The following LOXL2 variants were observed in gnomAD, a reference collection of about 807,000 sequenced individuals.
LOXL2 encodes the protein lysyl oxidase homolog 2.
LOXL2 carries 70 observed loss-of-function variants against 93.0 expected under a neutral mutation model. That is an observed-to-expected ratio of 0.75 (90% CI 0.62 to 0.92). The LOEUF (loss-of-function observed/expected upper bound fraction) is 0.92, where lower values mean the gene tolerates loss of function less well. Ranked by LOEUF, LOXL2 falls within the 40% of genes least tolerant of loss-of-function variation. The probability of loss-of-function intolerance (pLI) is 0.00; values close to 1 mark genes in which losing one functional copy is unlikely to be tolerated. For synonymous variants in LOXL2, 438 were observed against 413.2 expected (o/e 1.06, Z -0.73); for missense variants, 973 against 1,054.9 (o/e 0.92, Z 1.08).
intron 10 of LOXL2, among the ~76,000 whole-genome samples, chr8:23,307,712 G>C (rs916101119): frequency 6.6e-6 from 1 of 152,084 alleles, no homozygotes; most frequent in Non-Finnish European, 1.5e-5. Context: ...CACGTTCCCC[G>C]AAGGGAGCCA....
chr8:23,352,735 CGA>C (rs1804115047), intron 3 of LOXL2, among the ~76,000 whole-genome samples: 1 of 151,892 alleles, frequency 6.6e-6, no homozygotes, highest in Non-Finnish European at 1.5e-5. Flanking sequence ...CAGAAGAACG[CGA>C]GAGAGCAGAG....
intron 1 of LOXL2, among the ~76,000 whole-genome samples, chr8:23,377,388 A>C (rs1290490567): frequency 6.6e-6 from 1 of 151,712 alleles, no homozygotes; most frequent in African/African-American, 2.4e-5. Context: ...AATAAGTGCG[A>C]TGTGGTGCTG....
At chr8:23,337,854 G>A (rs529380740) in intron 4 of LOXL2, among the ~76,000 whole-genome samples, 24 of 152,324 alleles carry the variant, frequency 1.6e-4, no homozygotes, top group African/African-American at 4.8e-4. Context: ...AGCAGGCCTT[G>A]GTGAGGAGCC....
At position 23,360,249 on chromosome 8, in the gene LOXL2, G is replaced by A. The variant is rs1422947707; in HGVS notation, c.372C>T (p.Asp124=). The A allele has an allele frequency of 6.2e-7, 1 of 1,608,682 alleles. No individual in the cohort carries two copies. Among genetic ancestry groups the A allele is most frequent in the Non-Finnish European group, 8.5e-7 (1 of 1,175,766 alleles). ...YGKGEGPIWL[D]NLHCTGNEAT... ...CCTCGTTGCCAGTACAGTGGAGATT[G>A]TCTAACCAGATGGGCCCTGAAGGAG... The change falls in exon 3 of 14, where the codon GAC becomes GAT. Residue 124 remains aspartate (D), a synonymous_variant. Transcript: ENST00000389131.
At chr8:23,379,647 C>T (rs887568173) in intron 1 of LOXL2, among the ~76,000 whole-genome samples, 1 of 63,278 alleles carries the variant, frequency 1.6e-5, no homozygotes, top group Non-Finnish European at 2.8e-5. Flanking sequence ...GGGCGCCCCT[C>T]CCCCAGCCGC....
rs1159824334 is a variant in LOXL2, at chr8:23,367,960, G to A, written c.355+37C>T. The A allele has an allele frequency of 5.1e-6, 8 of 1,558,506 alleles. No homozygotes were observed. The South Asian group carries it at 9.3e-5, about 18-fold the overall frequency. On this transcript the variant is annotated intron_variant, in intron 2 of 13. Coordinates refer to ENST00000389131, the MANE Select transcript of LOXL2 (RefSeq NM_002318.3). ...GGGAAGGCCACTCCGGGCCTTGCCA[G>A]GTGACAGCACTCAGATCCAAAGCAC...
chr8:23,356,523 T>C (rs906621530), intron 3 of LOXL2, among the ~76,000 whole-genome samples: 2 of 152,216 alleles, frequency 1.3e-5, no homozygotes, highest in Non-Finnish European at 2.9e-5. Flanking sequence ...CACAAAGCCC[T>C]GGATGCAAGA....
intron 1 of LOXL2, among the ~76,000 whole-genome samples, chr8:23,403,128 T>C (rs1047755399): frequency 6.6e-6 from 1 of 151,950 alleles, no homozygotes; most frequent in Non-Finnish European, 1.5e-5. Context: ...TTTGGGCTGG[T>C]GAGAAGGGGC....
At chr8:23,309,387 A>G (rs1409497704) in intron 10 of LOXL2, among the ~76,000 whole-genome samples, 1 of 152,242 alleles carries the variant, frequency 6.6e-6, no homozygotes, top group Non-Finnish European at 1.5e-5. Flanking sequence ...CTGAAGGTCA[A>G]CGAGGAGGGT....
chr8:23,330,142 G>A (rs1803648034), intron 5 of LOXL2, among the ~76,000 whole-genome samples: 1 of 152,150 alleles, frequency 6.6e-6, no homozygotes, highest in Non-Finnish European at 1.5e-5. Context: ...TGGCTAACAT[G>A]GTGAAACCCC....
chr8:23,384,854 C>T (rs575296983), intron 1 of LOXL2, among the ~76,000 whole-genome samples: 192 of 152,284 alleles, frequency 1.3e-3, no homozygotes, highest in Middle Eastern at 3.4e-3. Context: ...GCAGAGGTTG[C>T]AGTGAGCCGA....
At chr8:23,396,604 A>C (rs1459870064) in intron 1 of LOXL2, among the ~76,000 whole-genome samples, 1 of 152,224 alleles carries the variant, frequency 6.6e-6, no homozygotes, top group Non-Finnish European at 1.5e-5. Flanking sequence ...AGACGTTTTA[A>C]GGAAAGGAGC....
At chr8:23,397,153 A>G (rs1300202078) in intron 1 of LOXL2, among the ~76,000 whole-genome samples, 1 of 152,238 alleles carries the variant, frequency 6.6e-6, no homozygotes, top group East Asian at 1.9e-4. Context: ...TAGTTCAGTC[A>G]TAGTCACAGA....
chr8:23,316,888 T>C, intron 9 of LOXL2, 61 bp downstream of exon 9: 1 of 1,438,344 alleles, frequency 7.0e-7, no homozygotes. Flanking sequence ...TCTTGAGGAA[T>C]AACTGGTGGG....
chr8:23,352,444 C>A (rs1454410341), intron 3 of LOXL2, among the ~76,000 whole-genome samples: 2 of 152,178 alleles, frequency 1.3e-5, no homozygotes, highest in Non-Finnish European at 2.9e-5. Context: ...CCCAGTGCAA[C>A]CTCTCTGGTG....
intron 1 of LOXL2, among the ~76,000 whole-genome samples, chr8:23,397,960 C>CAAAAAAA (rs11295140): frequency 3.3e-5 from 3 of 91,012 alleles, no homozygotes; most frequent in Non-Finnish European, 6.6e-5. Context: ...GACTCTGTCT[C>CAAAAAAA]AAAAAAAAAA....
At chr8:23,337,806 C>T (rs1329162683) in intron 4 of LOXL2, among the ~76,000 whole-genome samples, 2 of 152,088 alleles carry the variant, frequency 1.3e-5, no homozygotes, top group African/African-American at 4.8e-5. Flanking sequence ...CACCCCAGCC[C>T]GGTGTGGAAG....
intron 11 of LOXL2, among the ~76,000 whole-genome samples, chr8:23,302,657 A>T (rs1803156817): frequency 1.3e-5 from 2 of 152,164 alleles, no homozygotes. Flanking sequence ...CGCTTCAATG[A>T]ATAACAAATT....
At chr8:23,302,486 T>C (rs1482331782) in intron 11 of LOXL2, among the ~76,000 whole-genome samples, 1 of 152,050 alleles carries the variant, frequency 6.6e-6, no homozygotes. Context: ...CTCTGGTGCC[T>C]GTGGTTTAGC....
Sources: gnomAD v4.1 joint callset for allele counts (sites outside exome capture counted in the v4.1 genomes callset) on GRCh38, gnomAD v4.1.1 for gene constraint, MANE v1.5 for transcripts, NCBI Gene and HGNC (gene_info 2026-07-23, HGNC 2026-07-21) for gene names.